The following CSMD3 variants were observed in gnomAD, a reference collection of about 807,000 sequenced individuals.
The protein encoded by CSMD3 is CUB and Sushi multiple domains 3.
In CSMD3, 177 loss-of-function variants were observed where a neutral mutation model predicts 435.2. The ratio of observed to expected loss-of-function variants is 0.41; its 90% confidence interval spans 0.36 to 0.46. CSMD3 has a LOEUF of 0.46. Among genes scored for constraint, CSMD3 ranks in the 20% least tolerant of loss-of-function variants. The probability of loss-of-function intolerance (pLI) is 0.34; values close to 1 mark genes in which losing one functional copy is unlikely to be tolerated. For synonymous variants in CSMD3, 1,656 were observed against 1,520.5 expected (o/e 1.09, Z -2.07); for missense variants, 4,265 against 4,504.6 (o/e 0.95, Z 1.52).
At position 113,028,680 on chromosome 8, in the gene CSMD3, C is replaced by G. The variant is rs141837880; in HGVS notation, c.918-9501G>C. On this transcript the variant is annotated intron_variant, in intron 5 of 70. Transcript: ENST00000297405. Reference sequence around the variant, plus strand: ...AAGATCAAACCAACCACCATATTCCCTTCAGCCAAAGCCTAATTCAGAGTA... The same window carrying G: ...AAGATCAAACCAACCACCATATTCCGTTCAGCCAAAGCCTAATTCAGAGTA... Among the ~76,000 whole-genome samples the G allele has an allele frequency of 5.9e-5, 9 of 151,594 alleles. 1 individual carries two copies. Among genetic ancestry groups the G allele is most frequent in the African/African-American group, 1.9e-4 (8 of 41,478 alleles).
At position 112,406,021 on chromosome 8, in the gene CSMD3, T is replaced by G. The variant is rs538940393; in HGVS notation, c.5809+503A>C. Among the ~76,000 whole-genome samples, 6 of 100,130 alleles carry G rather than the reference T, an allele frequency of 6.0e-5. No individual in the cohort carries two copies. In the South Asian group the frequency reaches 1.8e-3, roughly 30 times the overall value. The allele number at this position is 100,130 out of a possible 152,430, so 65.7% of individuals were successfully genotyped here. A position where few individuals can be genotyped will look rare whatever the true frequency, so the allele number is the denominator to read the frequency against. On this transcript the variant is annotated intron_variant, in intron 35 of 70. Transcript: ENST00000297405. ...CTTAACTGTACATTTGGAAATAACT[T>G]AAAGAGTATAATTGGATTGTCGCAA... is the stretch of plus-strand genomic sequence containing the variant.
At chr8:112,289,896 T>C (rs1208616308) in intron 56 of CSMD3, among the ~76,000 whole-genome samples, 2 of 152,032 alleles carry the variant, frequency 1.3e-5, no homozygotes. Context: ...GTAAAATCTG[T>C]GAAAGTTAAG....
chr8:112,952,923 C>T (rs866020185), intron 8 of CSMD3, among the ~76,000 whole-genome samples: 27 of 151,252 alleles, frequency 1.8e-4, no homozygotes, highest in African/African-American at 4.6e-4. Context: ...TGTTCACCTT[C>T]ACAACCCATG....
chr8:112,429,116 T>C (rs1158720244), intron 32 of CSMD3, among the ~76,000 whole-genome samples: 1 of 152,096 alleles, frequency 6.6e-6, no homozygotes. Flanking sequence ...GTCACCATGC[T>C]GTATAATGTA....
chr8:112,877,757 AAC>A (rs986237700), intron 10 of CSMD3, among the ~76,000 whole-genome samples: 6 of 152,174 alleles, frequency 3.9e-5, no homozygotes, highest in Non-Finnish European at 7.3e-5. Flanking sequence ...CCTCAGAAAT[AAC>A]ACCACACATC....
chr8:112,676,585 C>G (rs2075774132), intron 16 of CSMD3, among the ~76,000 whole-genome samples: 1 of 152,076 alleles, frequency 6.6e-6, no homozygotes, highest in African/African-American at 2.4e-5. Flanking sequence ...ATTAATGCAT[C>G]TTTCATTTTT....
chr8:113,270,980 A>G (rs1013187868), intron 3 of CSMD3, among the ~76,000 whole-genome samples: 2 of 83,474 alleles, frequency 2.4e-5, no homozygotes, highest in African/African-American at 1.6e-4. Flanking sequence ...TATAATCAAA[A>G]AGCATAAAAA....
chr8:113,376,863 G>C, intron 1 of CSMD3: 1 of 1,611,200 alleles, frequency 6.2e-7, no homozygotes, highest in Non-Finnish European at 8.5e-7. Context: ...CCCTTTCCCG[G>C]ATGATCTGGA....
intron 13 of CSMD3, among the ~76,000 whole-genome samples, chr8:112,703,032 AAC>A (rs2076423076): frequency 6.6e-6 from 1 of 152,178 alleles, no homozygotes; most frequent in Admixed American, 6.6e-5. Flanking sequence ...ATATCAATTA[AAC>A]ACACAAAAAA....
intron 4 of CSMD3, among the ~76,000 whole-genome samples, chr8:113,165,669 CAT>C (rs1187450654): frequency 1.3e-5 from 2 of 151,874 alleles, no homozygotes. Context: ...ACTATCGTAA[CAT>C]ATAATACTAA....
At chr8:113,019,213 A>G (rs760900715) in intron 5 of CSMD3, 34 bp from the exon 6 acceptor site, 1 of 1,448,184 alleles carries the variant, frequency 6.9e-7, no homozygotes, top group Admixed American at 1.7e-5. Context: ...AAAAAATTTA[A>G]AAAGCTTTTC....
At chr8:113,421,588 T>C (rs1245353841) in intron 1 of CSMD3, among the ~76,000 whole-genome samples, 1 of 152,144 alleles carries the variant, frequency 6.6e-6, no homozygotes, top group African/African-American at 2.4e-5. Flanking sequence ...CCCTGAAAGT[T>C]TGGCACTTTG....
At chr8:112,480,573 A>C (rs149786087) in intron 31 of CSMD3, among the ~76,000 whole-genome samples, 108 of 152,210 alleles carry the variant, frequency 7.1e-4, no homozygotes, top group African/African-American at 2.4e-3. Flanking sequence ...TATCCTTGCG[A>C]TAGTGAGTGA....
chr8:112,454,122 G>A (rs530184583), intron 32 of CSMD3, among the ~76,000 whole-genome samples: 32 of 152,250 alleles, frequency 2.1e-4, no homozygotes, highest in Non-Finnish European at 4.6e-4. Context: ...AGATTTAAAC[G>A]TAAGACGTCA....
intron 13 of CSMD3, among the ~76,000 whole-genome samples, chr8:112,740,254 A>C (rs1419841948): frequency 6.6e-6 from 1 of 151,792 alleles, no homozygotes; most frequent in Non-Finnish European, 1.5e-5. Context: ...TACATATTTT[A>C]TTTCCATTTC....
chr8:112,406,762 A>G (rs1406376847), intron 34 of CSMD3, 35 bp from the exon 35 acceptor site: 3 of 1,322,476 alleles, frequency 2.3e-6, no homozygotes, highest in Admixed American at 1.8e-5. Context: ...TTAATTTTAT[A>G]TGGTAGACAA....
intron 3 of CSMD3, among the ~76,000 whole-genome samples, chr8:113,248,464 G>GTATA (rs1563602221): frequency 0.022 from 53 of 2,456 alleles, no homozygotes; most frequent in African/African-American, 0.024. Context: ...ATATGTGTGT[G>GTATA]TGTGATATAT....
chr8:112,954,724 T>C lies in CSMD3; in HGVS notation c.1380A>G (p.Lys460=), dbSNP rs1162607012. The C allele has an allele frequency of 6.2e-7, 1 of 1,602,202 alleles. No individual in the cohort carries two copies. Among genetic ancestry groups the C allele is most frequent in the East Asian group, 2.2e-5 (1 of 44,596 alleles). The change falls in exon 8 of 71, where the codon AAA becomes AAG. Residue 460 remains lysine (K), a synonymous_variant. Coordinates refer to ENST00000297405, the MANE Select transcript of CSMD3 (RefSeq NM_198123.2). ...KAIDFKSRGF[K]LFPGKDNSNK... ...TGCTGTTGTCTTTCCCTGGAAACAATTTAAATCCTCTAGATTTAAAATCTA... is the reference window on the plus strand; with the variant it reads ...TGCTGTTGTCTTTCCCTGGAAACAACTTAAATCCTCTAGATTTAAAATCTA...
At chr8:113,350,178 T>G (rs916432075) in intron 1 of CSMD3, among the ~76,000 whole-genome samples, 1 of 151,910 alleles carries the variant, frequency 6.6e-6, no homozygotes, top group African/African-American at 2.4e-5. Flanking sequence ...CCCGACAACA[T>G]CATACGGAGG....
Sources: allele counts gnomAD v4.1 joint callset (sites outside exome capture counted in the v4.1 genomes callset), GRCh38; gene constraint gnomAD v4.1.1; transcripts MANE v1.5; gene names NCBI Gene and HGNC (gene_info 2026-07-23, HGNC 2026-07-21).